The following CADPS variants were observed in gnomAD, a reference collection of about 807,000 sequenced individuals.
CADPS encodes the protein calcium-dependent secretion activator 1.
A neutral mutation model predicts 167.3 loss-of-function variants in CADPS; 57 were observed. The observed-to-expected ratio is 0.34, with a 90% CI of 0.28 to 0.42. The LOEUF (loss-of-function observed/expected upper bound fraction) is 0.42, where lower values mean the gene tolerates loss of function less well. Ranked by LOEUF, CADPS falls within the 20% of genes least tolerant of loss-of-function variation. CADPS has a pLI of 1.00. For missense variants in CADPS, 1,414 were observed against 1,738.1 expected, an observed-to-expected ratio of 0.81 and a Z score of 3.32; for synonymous variants, 676 against 635.3, an observed-to-expected ratio of 1.06 and a Z score of -0.96.
intron 1 of CADPS, among the ~76,000 whole-genome samples, chr3:62,780,153 G>A (rs549043270): frequency 2.0e-5 from 3 of 152,092 alleles, no homozygotes; most frequent in South Asian, 2.1e-4. Context: ...GATTACAGGC[G>A]TGAGCCACTG....
Position 62,616,914 on chromosome 3 carries a change from C to A in CADPS, c.1326-24166G>T, listed in dbSNP as rs192434666. On this transcript the variant is annotated intron_variant, in intron 6 of 29. Coordinates refer to ENST00000383710, the MANE Select transcript of CADPS (RefSeq NM_003716.4). ...TTTCTCAGAAATAATTTGTTTTAAT[C>A]AAATGTCCCTTTAGCCCTGTAAAAA... 2.0e-5 allele frequency among the ~76,000 whole-genome samples: 3 copies of A among 152,234 alleles called. No homozygotes were observed. The East Asian group carries it at 5.8e-4, about 29-fold the overall frequency.
At chr3:62,819,280 AT>A (rs1437675782) in intron 1 of CADPS, among the ~76,000 whole-genome samples, 1 of 152,192 alleles carries the variant, frequency 6.6e-6, no homozygotes, top group Non-Finnish European at 1.5e-5. Flanking sequence ...ACATCAAGGA[AT>A]ATTAAAAAAA....
At chr3:62,408,003 G>A (rs2048241722) in intron 28 of CADPS, among the ~76,000 whole-genome samples, 1 of 152,150 alleles carries the variant, frequency 6.6e-6, no homozygotes. Flanking sequence ...CCAAAGTGCT[G>A]GGATTACAGG....
intron 10 of CADPS, among the ~76,000 whole-genome samples, chr3:62,552,662 C>T (rs2077500882): frequency 6.6e-6 from 1 of 152,158 alleles, no homozygotes; most frequent in Admixed American, 6.5e-5. Flanking sequence ...AACATTAAGA[C>T]TTCTTCATTG....
intron 6 of CADPS, among the ~76,000 whole-genome samples, chr3:62,622,462 T>C (rs2063346396): frequency 6.6e-6 from 1 of 152,162 alleles, no homozygotes; most frequent in South Asian, 2.1e-4. Context: ...CTGATTTATT[T>C]TCCAGACATG....
chr3:62,614,309 A>T (rs1468757391), intron 6 of CADPS, among the ~76,000 whole-genome samples: 1 of 150,208 alleles, frequency 6.7e-6, no homozygotes, highest in African/African-American at 2.5e-5. Context: ...AGTATATGTG[A>T]CCCTCCCCCT....
chr3:62,489,459 C>T (rs926096712), intron 21 of CADPS, among the ~76,000 whole-genome samples: 1 of 152,124 alleles, frequency 6.6e-6, no homozygotes, highest in Non-Finnish European at 1.5e-5. Flanking sequence ...CGCACCCGGC[C>T]GTGTTTGACT....
chr3:62,817,570 A>G (rs1035113044), intron 1 of CADPS, among the ~76,000 whole-genome samples: 3 of 152,216 alleles, frequency 2.0e-5, no homozygotes, highest in African/African-American at 4.8e-5. Context: ...ACCATGAGCT[A>G]TGAGTCAAAA....
At chr3:62,846,561 A>C (rs962329675) in intron 1 of CADPS, among the ~76,000 whole-genome samples, 1 of 152,162 alleles carries the variant, frequency 6.6e-6, no homozygotes, top group African/African-American at 2.4e-5. Context: ...TAAACGCTTG[A>C]TTCTTTCCCG....
At chr3:62,610,967 G>C (rs1030792101) in intron 6 of CADPS, among the ~76,000 whole-genome samples, 1 of 152,028 alleles carries the variant, frequency 6.6e-6, no homozygotes, top group Non-Finnish European at 1.5e-5. Flanking sequence ...CAGGGGTGTG[G>C]GGGAGAGAGT....
At chr3:62,409,518 T>C (rs928918451) in intron 28 of CADPS, among the ~76,000 whole-genome samples, 6 of 152,222 alleles carry the variant, frequency 3.9e-5, no homozygotes, top group Non-Finnish European at 8.8e-5. Context: ...AACTGATGGA[T>C]GAGAGACAAT....
chr3:62,400,589 C>CT lies in CADPS; in HGVS notation c.3883-1005dup, dbSNP rs1165722852. On this transcript the variant is annotated intron_variant, in intron 29 of 29. Transcript: ENST00000383710. Reference sequence around the variant, plus strand: ...GTCAACACCACTCCCATCATTCTTTCTTTTTTTTTTTCTTTTTTTTTTTTT... The same window carrying CT: ...GTCAACACCACTCCCATCATTCTTTCTTTTTTTTTTTTCTTTTTTTTTTTTT... Among the ~76,000 whole-genome samples, 9 of 73,638 alleles carry CT rather than the reference C, an allele frequency of 1.2e-4. No homozygotes were observed. The East Asian group carries it at 1.5e-3, about 12-fold the overall frequency. The allele number at this position is 73,638 out of a possible 152,430, so 48.3% of individuals were successfully genotyped here.
chr3:62,494,898 GCTGGTCCAC>G (rs2064420722), intron 18 of CADPS, among the ~76,000 whole-genome samples: 1 of 151,764 alleles, frequency 6.6e-6, no homozygotes, highest in Non-Finnish European at 1.5e-5. Flanking sequence ...CCTGGCCTCA[GCTGGTCCAC>G]CTGCCTCGGC....
chr3:62,564,708 G>A (rs976514369), intron 9 of CADPS, among the ~76,000 whole-genome samples: 1 of 151,078 alleles, frequency 6.6e-6, no homozygotes, highest in Admixed American at 6.6e-5. Context: ...CTAGGTTTAA[G>A]CGATTCTCCT....
At chr3:62,709,202 A>T (rs541184627) in intron 3 of CADPS, among the ~76,000 whole-genome samples, 1 of 152,146 alleles carries the variant, frequency 6.6e-6, no homozygotes, top group East Asian at 1.9e-4. Flanking sequence ...TTCCCCTAAC[A>T]CTAACTTTCC....
At chr3:62,691,978 G>T (rs2079220026) in intron 3 of CADPS, among the ~76,000 whole-genome samples, 1 of 151,800 alleles carries the variant, frequency 6.6e-6, no homozygotes, top group South Asian at 2.1e-4. Flanking sequence ...TAATAATATG[G>T]TCTTATCTTA....
At chr3:62,837,711 G>C (rs994328508) in intron 1 of CADPS, among the ~76,000 whole-genome samples, 1 of 152,202 alleles carries the variant, frequency 6.6e-6, no homozygotes, top group African/African-American at 2.4e-5. Flanking sequence ...TCCTATCATA[G>C]AGCAAAGAGT....
intron 1 of CADPS, among the ~76,000 whole-genome samples, chr3:62,870,686 T>C (rs948244976): frequency 1.3e-5 from 2 of 152,172 alleles, no homozygotes; most frequent in Admixed American, 6.5e-5. Flanking sequence ...ACTATACCTA[T>C]GTATGTAGAC....
In CADPS at chr3:62,860,014, C is replaced by A. The variant is rs373221830; in HGVS notation, c.441+14575G>T. Among the ~76,000 whole-genome samples the A allele has an allele frequency of 6.2e-4, 94 of 152,228 alleles. 2 individuals are homozygous for A. The East Asian group carries it at 0.017, about 27-fold the overall frequency. On this transcript the variant is annotated intron_variant, in intron 1 of 29. Transcript: ENST00000383710. ...TTTTCAAAGGCTCCCCACTGCCTAC[C>A]AAATAAAGGACAACTGACAGTCTAG...
Sources: gnomAD v4.1 joint callset for allele counts (sites outside exome capture counted in the v4.1 genomes callset) on GRCh38, gnomAD v4.1.1 for gene constraint, MANE v1.5 for transcripts, NCBI Gene and HGNC (gene_info 2026-07-23, HGNC 2026-07-21) for gene names.